FHIT: variants seen among roughly 807,000 people sequenced by gnomAD.
The protein encoded by FHIT is bis(5'-adenosyl)-triphosphatase.
A neutral mutation model predicts 17.9 loss-of-function variants in FHIT; 19 were observed. The ratio of observed to expected loss-of-function variants is 1.06; its 90% CI spans 0.74 to 1.56. FHIT has a LOEUF of 1.56. FHIT is among the 40% of genes most tolerant of loss of function. The pLI is 0.00. For missense variants in FHIT, 248 were observed against 189.2 expected, an observed-to-expected ratio of 1.31 and a Z score of -1.82; for synonymous variants, 81 against 69.7, an observed-to-expected ratio of 1.16 and a Z score of -0.81.
At chr3:60,575,264 G>C (rs1388784499) in intron 4 of FHIT, among the ~76,000 whole-genome samples, 1 of 152,194 alleles carries the variant, frequency 6.6e-6, no homozygotes, top group East Asian at 1.9e-4. Flanking sequence ...ACAGGGCTGA[G>C]AAAGGTATGT....
intron 5 of FHIT, among the ~76,000 whole-genome samples, chr3:60,446,759 G>A (rs572224343): frequency 6.6e-6 from 1 of 151,846 alleles, no homozygotes; most frequent in South Asian, 2.1e-4. Context: ...AGGCTGAGGT[G>A]GGAGGACTGC....
At chr3:60,591,573 C>T (rs1394912254) in intron 4 of FHIT, among the ~76,000 whole-genome samples, 1 of 151,994 alleles carries the variant, frequency 6.6e-6, no homozygotes, top group Middle Eastern at 3.2e-3. Context: ...GAAGCTGAAT[C>T]CTTATAGGAA....
chr3:60,246,229 T>C (rs1342316000), intron 5 of FHIT, among the ~76,000 whole-genome samples: 1 of 152,040 alleles, frequency 6.6e-6, no homozygotes, highest in African/African-American at 2.4e-5. Flanking sequence ...TTAGAACAGT[T>C]ATACTAAAAT....
chr3:61,121,600 G>A (rs1227428879), intron 2 of FHIT, among the ~76,000 whole-genome samples: 1 of 152,126 alleles, frequency 6.6e-6, no homozygotes, highest in East Asian at 1.9e-4. Context: ...ACTAAATATG[G>A]AAAGGAAAAA....
intron 2 of FHIT, among the ~76,000 whole-genome samples, chr3:61,146,907 T>A (rs1391834458): frequency 6.6e-6 from 1 of 152,086 alleles, no homozygotes; most frequent in Non-Finnish European, 1.5e-5. Context: ...CATCTGCTAA[T>A]GAGCATCATT....
intron 2 of FHIT, among the ~76,000 whole-genome samples, chr3:61,112,266 T>G (rs2036181654): frequency 6.6e-6 from 1 of 152,082 alleles, no homozygotes; most frequent in Admixed American, 6.5e-5. Context: ...GCCTTAATTT[T>G]TTTTTTTTTT....
Position 60,570,737 on chromosome 3 carries a change from TA to T in FHIT, c.-17-33759del, listed in dbSNP as rs10637926. ...AACAATACTTAGTACATTAAAAAAT[TA>T]AAAAAAAAAAAAAAAAACTATCTCA... On this transcript the variant is annotated intron_variant, in intron 4 of 9. Transcript: ENST00000492590. 1.1e-3 allele frequency among the ~76,000 whole-genome samples: 149 copies of T among 132,520 alleles called. 1 individual carries two copies. The highest frequency in any genetic ancestry group is 2.7e-3 in the African/African-American group (94 of 35,198). The allele number at this position is 132,520 out of a possible 152,430, so 86.9% of individuals were successfully genotyped here.
intron 4 of FHIT, among the ~76,000 whole-genome samples, chr3:60,738,157 C>G (rs1283447515): frequency 2.0e-5 from 3 of 152,148 alleles, no homozygotes. Context: ...TGTTGAAAAG[C>G]AGATCGCATG....
intron 5 of FHIT, among the ~76,000 whole-genome samples, chr3:60,233,763 C>T (rs1353755114): frequency 1.3e-5 from 2 of 152,072 alleles, no homozygotes; most frequent in Non-Finnish European, 2.9e-5. Flanking sequence ...GCAGGTCTTT[C>T]CCATGCTGTT....
chr3:59,951,100 CTA>C (rs1025020285), intron 7 of FHIT, among the ~76,000 whole-genome samples: 2 of 152,118 alleles, frequency 1.3e-5, no homozygotes, highest in African/African-American at 4.8e-5. Flanking sequence ...TATTAATTAC[CTA>C]TGTGTTATGC....
At position 60,078,705 on chromosome 3, in the gene FHIT, G is replaced by C. The variant is rs560068670; in HGVS notation, c.104-64553C>G. 1.1e-4 allele frequency among the ~76,000 whole-genome samples: 16 copies of C among 152,058 alleles called. No individual in the cohort carries two copies. The East Asian group carries it at 2.3e-3, about 22-fold the overall frequency. On this transcript the variant is annotated intron_variant, in intron 5 of 9. Transcript: ENST00000492590. ...AAATGTCTTGTTTAAATACACTAAA[G>C]GAGCAAAGAGGCATCATGTAACTTG...
intron 3 of FHIT, among the ~76,000 whole-genome samples, chr3:60,956,913 C>T (rs201392235): frequency 6.6e-6 from 1 of 151,842 alleles, no homozygotes; most frequent in Non-Finnish European, 1.5e-5. Context: ...ATTTCAGTTT[C>T]GGGGGGTCAC....
intron 8 of FHIT, among the ~76,000 whole-genome samples, chr3:59,880,634 T>C: frequency 6.6e-6 from 1 of 152,198 alleles, no homozygotes. Context: ...AGAATAGCAA[T>C]GCCTATAAAT....
At chr3:59,756,866 C>T (rs570723174) in intron 8 of FHIT, among the ~76,000 whole-genome samples, 1 of 152,290 alleles carries the variant, frequency 6.6e-6, no homozygotes, top group South Asian at 2.1e-4. Flanking sequence ...CCTTAGTTCA[C>T]CAGTTCTAAG....
intron 4 of FHIT, among the ~76,000 whole-genome samples, chr3:60,679,817 G>GT (rs1399223794): frequency 2.7e-3 from 413 of 151,316 alleles, no homozygotes; most frequent in African/African-American, 9.1e-3. Context: ...AAATGATGGG[G>GT]TTTTTTTTGC....
chr3:60,354,506 G>A (rs931454448), intron 5 of FHIT, among the ~76,000 whole-genome samples: 3 of 152,058 alleles, frequency 2.0e-5, no homozygotes, highest in Non-Finnish European at 2.9e-5. Context: ...CAGATACAGA[G>A]TAGTTATCAG....
At chr3:59,964,045 A>G (rs1267000810) in intron 7 of FHIT, among the ~76,000 whole-genome samples, 1 of 152,202 alleles carries the variant, frequency 6.6e-6, no homozygotes, top group Non-Finnish European at 1.5e-5. Context: ...AAAATTTTCA[A>G]TTCGTTCAAT....
chr3:60,511,735 C>G (rs1240755739), intron 5 of FHIT, among the ~76,000 whole-genome samples: 1 of 152,122 alleles, frequency 6.6e-6, no homozygotes, highest in Non-Finnish European at 1.5e-5. Flanking sequence ...TAATTATCTT[C>G]TATTTAAATG....
At chr3:60,403,592 C>T (rs12637099) in intron 5 of FHIT, among the ~76,000 whole-genome samples, 4 of 151,994 alleles carry the variant, frequency 2.6e-5, no homozygotes, top group African/African-American at 9.7e-5. Flanking sequence ...ATCTGACCTA[C>T]CTTGCTTAAT....
Sources: allele counts gnomAD v4.1 joint callset (sites outside exome capture counted in the v4.1 genomes callset), GRCh38; gene constraint gnomAD v4.1.1; transcripts MANE v1.5; gene names NCBI Gene and HGNC (gene_info 2026-07-23, HGNC 2026-07-21).